KIF26B: variants seen among roughly 807,000 people sequenced by gnomAD.
The protein encoded by KIF26B is kinesin family member 26B.
A neutral mutation model predicts 151.2 loss-of-function variants in KIF26B; 63 were observed. The ratio of observed to expected loss-of-function variants is 0.42; its 90% confidence interval spans 0.34 to 0.51. The LOEUF (loss-of-function observed/expected upper bound fraction) is 0.51, where lower values mean the gene tolerates loss of function less well. Among genes scored for constraint, KIF26B ranks in the 20% least tolerant of loss-of-function variants. The pLI, the probability that KIF26B is intolerant of heterozygous loss-of-function variation, is 0.07. For synonymous variants in KIF26B, 1,357 were observed against 1,262.1 expected (o/e 1.08, Z -1.59); for missense variants, 2,813 against 2,913.6 (o/e 0.97, Z 0.79).
Position 245,566,617 on chromosome 1 carries a change from G to A in KIF26B, c.1350+25667G>A, listed in dbSNP as rs79384304. Among the ~76,000 whole-genome samples, 1,064 of 152,286 alleles carry A rather than the reference G, an allele frequency of 7.0e-3. 5 individuals are homozygous for A. Among genetic ancestry groups the A allele is most frequent in the African/African-American group, 0.024 (1,012 of 41,554 alleles). On this transcript the variant is annotated intron_variant, in intron 5 of 14. Coordinates refer to ENST00000407071, the MANE Select transcript of KIF26B (RefSeq NM_018012.4). ...TTCCTCCAAACAAAAGCTTTCAAGC[G>A]CAACATGTTGATTTTTAAAATTCCT...
chr1:245,248,668 C>T (rs758875383), intron 2 of KIF26B, among the ~76,000 whole-genome samples: 9 of 152,204 alleles, frequency 5.9e-5, no homozygotes, highest in Non-Finnish European at 1.2e-4. Flanking sequence ...TAAACCTCCT[C>T]GTAAAATCTC....
intron 3 of KIF26B, among the ~76,000 whole-genome samples, chr1:245,395,834 G>C (rs1673822937): frequency 6.6e-6 from 1 of 152,194 alleles, no homozygotes; most frequent in African/African-American, 2.4e-5. Flanking sequence ...AAAATTTGGA[G>C]CCAGACAGCC....
intron 2 of KIF26B, among the ~76,000 whole-genome samples, chr1:245,298,270 A>G (rs1411155313): frequency 6.6e-6 from 1 of 152,208 alleles, no homozygotes; most frequent in Non-Finnish European, 1.5e-5. Context: ...TCTAGAGTCC[A>G]TTGATGGATG....
chr1:245,541,408 C>T (rs762165208), intron 5 of KIF26B, among the ~76,000 whole-genome samples: 9 of 152,330 alleles, frequency 5.9e-5, no homozygotes, highest in Non-Finnish European at 1.2e-4. Context: ...TTGTGAGGAA[C>T]GCTGCAGTCT....
chr1:245,640,842 T>C (rs2043884491), intron 9 of KIF26B, among the ~76,000 whole-genome samples: 1 of 152,216 alleles, frequency 6.6e-6, no homozygotes, highest in African/African-American at 2.4e-5. Context: ...TTTTAAATTT[T>C]TGATGTCACA....
Position 245,352,074 on chromosome 1 carries a change from C to T in KIF26B, c.466-14760C>T, listed in dbSNP as rs115228791. On this transcript the variant is annotated intron_variant, in intron 2 of 14. Transcript: ENST00000407071. This position sits in a 1 kb window ranked among gnomAD's most constrained non-coding sequence, Gnocchi z 5.0. ...ATGTGGCTGTGTGTGTGAGAGAGAT[C>T]GTCCCTCAATCTTTCATTTCTTCTG... Among the ~76,000 whole-genome samples, 1,241 of 152,172 alleles carry T rather than the reference C, an allele frequency of 8.2e-3. 23 individuals carry two copies. The highest frequency in any genetic ancestry group is 0.028 in the African/African-American group (1,180 of 41,502).
rs568862165 is a variant in KIF26B, at chr1:245,563,520, G to A, written c.1350+22570G>A. On this transcript the variant is annotated intron_variant, in intron 5 of 14. Coordinates refer to ENST00000407071, the MANE Select transcript of KIF26B (RefSeq NM_018012.4). This position sits in a 1 kb window ranked among gnomAD's most constrained non-coding sequence, Gnocchi z 4.6. ...TTCTCCCTCTCACTTACTCCTCCAC[G>A]TGTCCCATTTCTCTGCCTTCTTAAT... Among the ~76,000 whole-genome samples, 2 of 152,118 alleles carry A rather than the reference G, an allele frequency of 1.3e-5. No homozygotes were observed. Among genetic ancestry groups the A allele is most frequent in the South Asian group, 2.1e-4 (1 of 4,814 alleles).
In KIF26B at chr1:245,545,483, G is replaced by C. The variant is rs371673726; in HGVS notation, c.1350+4533G>C. 2.6e-5 allele frequency among the ~76,000 whole-genome samples: 4 copies of C among 152,134 alleles called. No individual in the cohort carries two copies. The South Asian group carries it at 6.2e-4, about 24-fold the overall frequency. ...GCTTAGGTTTGAAATAATGGACAAG[G>C]CAGAGCACCTGTCCTTAAGGTACTT... On this transcript the variant is annotated intron_variant, in intron 5 of 14. Coordinates refer to ENST00000407071, the MANE Select transcript of KIF26B (RefSeq NM_018012.4).
intron 4 of KIF26B, among the ~76,000 whole-genome samples, chr1:245,459,732 A>G (rs1659608276): frequency 6.6e-6 from 1 of 152,106 alleles, no homozygotes; most frequent in Non-Finnish European, 1.5e-5. Context: ...AGCAGCAAAA[A>G]CAGAGGCACA....
At chr1:245,474,040 T>C (rs967285921) in intron 4 of KIF26B, among the ~76,000 whole-genome samples, 1 of 151,716 alleles carries the variant, frequency 6.6e-6, no homozygotes, top group Admixed American at 6.6e-5. Context: ...TCTTCTGTTC[T>C]AGCTATTTTG....
In KIF26B at chr1:245,687,193, A is replaced by G. The variant is rs201122906; in HGVS notation, c.4210A>G (p.Ile1404Val). 104 of 1,612,852 alleles carry G rather than the reference A, an allele frequency of 6.4e-5. No homozygotes were observed. The highest frequency in any genetic ancestry group is 8.2e-5 in the Non-Finnish European group (97 of 1,179,666). The change falls in exon 12 of 15, where the codon ATC (isoleucine) becomes GTC (valine). Residue 1404 changes from isoleucine (I) to valine (V), a missense_variant. Ile to Val is a conservative substitution (Grantham distance 29). Transcript: ENST00000407071. This position sits in a 1 kb window ranked among gnomAD's most constrained non-coding sequence, Gnocchi z 4.9. The stretch of plus-strand genomic sequence containing the variant: ...CTGCATTGCCATGAGCCCCCGGAAC[A>G]TCCAAGAGCCGGAGGCCCCCACCGC... ...YPCIAMSPRNIQEPEAPTATP... is the reference protein window; with the variant it reads ...YPCIAMSPRNVQEPEAPTATP...
intron 3 of KIF26B, among the ~76,000 whole-genome samples, chr1:245,415,385 C>T (rs777491850): frequency 6.6e-6 from 1 of 152,046 alleles, no homozygotes; most frequent in Non-Finnish European, 1.5e-5. Flanking sequence ...TGTAACCCTG[C>T]AACCCTAGAG....
At chr1:245,466,019 T>C (rs1294183616) in intron 4 of KIF26B, among the ~76,000 whole-genome samples, 1 of 152,198 alleles carries the variant, frequency 6.6e-6, no homozygotes. Flanking sequence ...CAAGTGTTCA[T>C]AGAAGGCGCA....
intron 3 of KIF26B, among the ~76,000 whole-genome samples, chr1:245,418,306 T>C (rs1479799433): frequency 6.6e-6 from 1 of 152,222 alleles, no homozygotes; most frequent in African/African-American, 2.4e-5. Flanking sequence ...CCAGTTTCTG[T>C]CACTTGGGTC....
intron 3 of KIF26B, among the ~76,000 whole-genome samples, chr1:245,414,262 G>A (rs886869025): frequency 5.9e-5 from 9 of 152,304 alleles, no homozygotes; most frequent in Non-Finnish European, 8.8e-5. Flanking sequence ...GTGGGGAGTC[G>A]CACTGACTTG....
chr1:245,701,372 T>C (rs2044769906), intron 14 of KIF26B, among the ~76,000 whole-genome samples: 1 of 152,218 alleles, frequency 6.6e-6, no homozygotes, highest in Non-Finnish European at 1.5e-5. Flanking sequence ...TGTCCAGTAA[T>C]GTAGTCTGAT....
At chr1:245,189,135 C>T (rs868519848) in intron 2 of KIF26B, among the ~76,000 whole-genome samples, 3 of 152,162 alleles carry the variant, frequency 2.0e-5, no homozygotes, top group South Asian at 2.1e-4. Flanking sequence ...GTGATGGTTG[C>T]GTAGCAATGT....
At chr1:245,701,107 A>T (rs2044765406) in intron 14 of KIF26B, among the ~76,000 whole-genome samples, 1 of 152,244 alleles carries the variant, frequency 6.6e-6, no homozygotes, top group African/African-American at 2.4e-5. Flanking sequence ...TGCTTCCAGG[A>T]AACAATTGCT....
chr1:245,549,951 T>G (rs888163111), intron 5 of KIF26B, among the ~76,000 whole-genome samples: 3 of 152,196 alleles, frequency 2.0e-5, no homozygotes, highest in African/African-American at 7.2e-5. Flanking sequence ...CAGCTAATTT[T>G]GTTTTTTAGT....
Sources: gnomAD v4.1 joint callset for allele counts (sites outside exome capture counted in the v4.1 genomes callset) on GRCh38, gnomAD v4.1.1 for gene constraint, Gnocchi (gnomAD v3.1) non-coding constraint, MANE v1.5 for transcripts, NCBI Gene and HGNC (gene_info 2026-07-23, HGNC 2026-07-21) for gene names.